Variants in CPA6 observed in about 807,000 individuals in gnomAD.
CPA6 encodes the protein carboxypeptidase A6, also known as carboxypeptidase B.
CPA6 carries 58 observed loss-of-function variants against 63.3 expected under a neutral mutation model. The observed-to-expected ratio is 0.92, with a 90% CI of 0.74 to 1.14. The LOEUF (loss-of-function observed/expected upper bound fraction) is 1.14. CPA6 is among the 50% of genes most tolerant of loss of function. CPA6 has a pLI of 0.00. For synonymous variants in CPA6, 185 were observed against 179.0 expected (o/e 1.03, Z -0.27); for missense variants, 565 against 526.6 (o/e 1.07, Z -0.71).
intron 10 of CPA6, among the ~76,000 whole-genome samples, chr8:67,426,609 T>C (rs1380545621): frequency 6.6e-6 from 1 of 152,330 alleles, no homozygotes; most frequent in Non-Finnish European, 1.5e-5. Context: ...ACCAAGTGTT[T>C]GTTCTGAAGG....
At chr8:67,551,364 G>T (rs889815596) in intron 2 of CPA6, among the ~76,000 whole-genome samples, 1 of 152,046 alleles carries the variant, frequency 6.6e-6, no homozygotes, top group Admixed American at 6.6e-5. Context: ...GCTCTCTATT[G>T]TATTCCATTG....
intron 8 of CPA6, among the ~76,000 whole-genome samples, chr8:67,474,398 T>G (rs1811128130): frequency 6.6e-6 from 1 of 151,912 alleles, no homozygotes; most frequent in African/African-American, 2.4e-5. Flanking sequence ...ATTTTTTGTA[T>G]TTTTAGTAGA....
intron 2 of CPA6, among the ~76,000 whole-genome samples, chr8:67,533,423 A>ACC (rs1364117885): frequency 1.3e-5 from 2 of 152,240 alleles, no homozygotes; most frequent in Non-Finnish European, 2.9e-5. Context: ...CTATAGACTG[A>ACC]TTGGCATGAC....
intron 2 of CPA6, among the ~76,000 whole-genome samples, chr8:67,621,417 C>A (rs990096234): frequency 6.6e-6 from 1 of 152,268 alleles, no homozygotes; most frequent in African/African-American, 2.4e-5. Flanking sequence ...CTAGGCTCCA[C>A]TGCCCTGCAA....
At chr8:67,471,815 A>G (rs928780199) in intron 8 of CPA6, among the ~76,000 whole-genome samples, 8 of 152,236 alleles carry the variant, frequency 5.3e-5, no homozygotes, top group Non-Finnish European at 1.0e-4. Flanking sequence ...TATAAATTGA[A>G]AGAGAATTGG....
chr8:67,646,447 A>T (rs1165147868), intron 1 of CPA6, among the ~76,000 whole-genome samples: 1 of 152,204 alleles, frequency 6.6e-6, no homozygotes, highest in African/African-American at 2.4e-5. Flanking sequence ...GAACAGGGAA[A>T]TACCCCATTT....
chr8:67,715,399 C>A (rs945325536), intron 1 of CPA6, among the ~76,000 whole-genome samples: 2 of 152,238 alleles, frequency 1.3e-5, no homozygotes, highest in Non-Finnish European at 2.9e-5. Flanking sequence ...TTAGTGAAAA[C>A]TAGCCCTTCT....
rs556853620 is a variant in CPA6, at chr8:67,461,823, C to A, written c.838+21945G>T. Among the ~76,000 whole-genome samples, 6 of 152,218 alleles carry A rather than the reference C, an allele frequency of 3.9e-5. No individual in the cohort carries two copies. The South Asian group carries it at 1.2e-3, about 32-fold the overall frequency. On this transcript the variant is annotated intron_variant, in intron 8 of 10. Transcript: ENST00000297770. ...GCGGCTGGCCGGGCGGGGGGCTGAC[C>A]CCCCCACCTCCCTCCCGGATGGGGC...
intron 8 of CPA6, among the ~76,000 whole-genome samples, chr8:67,450,229 A>G (rs1324774630): frequency 1.3e-5 from 2 of 152,224 alleles, no homozygotes; most frequent in Non-Finnish European, 1.5e-5. Flanking sequence ...TAGTGTTTTG[A>G]GAGTTACAAA....
chr8:67,616,958 A>G (rs536327235), intron 2 of CPA6, among the ~76,000 whole-genome samples: 11 of 152,212 alleles, frequency 7.2e-5, no homozygotes, highest in Non-Finnish European at 1.5e-4. Context: ...AGACTGTGCT[A>G]GACCCAACCT....
At chr8:67,594,384 G>A (rs999280308) in intron 2 of CPA6, among the ~76,000 whole-genome samples, 1 of 152,104 alleles carries the variant, frequency 6.6e-6, no homozygotes, top group African/African-American at 2.4e-5. Flanking sequence ...TTCTCGAGGA[G>A]TATCTTTGCG....
intron 2 of CPA6, among the ~76,000 whole-genome samples, chr8:67,540,242 T>C (rs1401207752): frequency 6.6e-6 from 1 of 152,192 alleles, no homozygotes; most frequent in African/African-American, 2.4e-5. Flanking sequence ...TTGTTAGTTT[T>C]TTCCCCAACA....
chr8:67,630,453 T>C (rs1374248057), intron 1 of CPA6, among the ~76,000 whole-genome samples: 2 of 152,168 alleles, frequency 1.3e-5, no homozygotes, highest in African/African-American at 4.8e-5. Context: ...TTTTTTTTTC[T>C]TGTCAAAGTT....
intron 1 of CPA6, among the ~76,000 whole-genome samples, chr8:67,718,910 G>T (rs948040440): frequency 1.3e-5 from 2 of 152,112 alleles, no homozygotes; most frequent in Non-Finnish European, 2.9e-5. Context: ...CTCCTGAAGT[G>T]CTGGGATTAC....
intron 1 of CPA6, among the ~76,000 whole-genome samples, chr8:67,688,337 G>A (rs1816747101): frequency 6.6e-6 from 1 of 152,144 alleles, no homozygotes; most frequent in South Asian, 2.1e-4. Flanking sequence ...GATGATTCAA[G>A]TTTAGGAAAT....
intron 1 of CPA6, among the ~76,000 whole-genome samples, chr8:67,734,073 T>C (rs1215666814): frequency 6.6e-6 from 1 of 151,296 alleles, no homozygotes; most frequent in Admixed American, 6.6e-5. Flanking sequence ...TTCAGGTTTT[T>C]CTCATGTTGG....
Position 67,738,412 on chromosome 8 carries a change from A to G in CPA6, c.116+7602T>C, listed in dbSNP as rs938166137. On this transcript the variant is annotated intron_variant, in intron 1 of 10. Transcript: ENST00000297770. ...GTTGAGCATGGCAGAGCTGCAAGACAGAAGCAGCCTGGTTCTCTGTTACCA... is the reference window on the plus strand; with the variant it reads ...GTTGAGCATGGCAGAGCTGCAAGACGGAAGCAGCCTGGTTCTCTGTTACCA... 1.5e-4 allele frequency among the ~76,000 whole-genome samples: 23 copies of G among 152,368 alleles called. No individual in the cohort carries two copies. The South Asian group carries it at 3.7e-3, about 25-fold the overall frequency.
At chr8:67,708,051 G>T (rs1817174155) in intron 1 of CPA6, among the ~76,000 whole-genome samples, 1 of 152,148 alleles carries the variant, frequency 6.6e-6, no homozygotes, top group African/African-American at 2.4e-5. Context: ...TTTCTGACAG[G>T]CCCAGGAGCC....
At chr8:67,513,671 T>G (rs1812086895) in intron 3 of CPA6, among the ~76,000 whole-genome samples, 1 of 152,164 alleles carries the variant, frequency 6.6e-6, no homozygotes, top group Non-Finnish European at 1.5e-5. Flanking sequence ...GAGATCAACC[T>G]TAAATTAAAA....
Sources: gnomAD v4.1 joint callset for allele counts (sites outside exome capture counted in the v4.1 genomes callset) on GRCh38, gnomAD v4.1.1 for gene constraint, MANE v1.5 for transcripts, NCBI Gene and HGNC (gene_info 2026-07-23, HGNC 2026-07-21) for gene names.